SHANK2: variants seen among roughly 807,000 people sequenced by gnomAD.
The protein encoded by SHANK2 is SH3 and multiple ankyrin repeat domains 2.
Under a neutral mutation model 133.7 loss-of-function variants are expected in SHANK2, and 43 were observed. The ratio of observed to expected loss-of-function variants is 0.32; its 90% CI spans 0.25 to 0.41. SHANK2 has a LOEUF of 0.41. Among genes scored for constraint, SHANK2 ranks in the 10% least tolerant of loss-of-function variants. The pLI, the probability that SHANK2 is intolerant of heterozygous loss-of-function variation, is 1.00. For missense variants in SHANK2, 1,994 were observed against 2,235.8 expected, an observed-to-expected ratio of 0.89 and a Z score of 2.18; for synonymous variants, 1,017 against 952.8, an observed-to-expected ratio of 1.07 and a Z score of -1.24.
intron 17 of SHANK2, among the ~76,000 whole-genome samples, chr11:70,538,807 G>A (rs953684889): frequency 1.3e-5 from 2 of 152,212 alleles, no homozygotes; most frequent in African/African-American, 4.8e-5. Context: ...GGTGGGGCGG[G>A]AGGCACGCAC....
At chr11:71,239,876 C>T (rs1954867037) in intron 1 of SHANK2, among the ~76,000 whole-genome samples, 1 of 152,180 alleles carries the variant, frequency 6.6e-6, no homozygotes, top group Non-Finnish European at 1.5e-5. Flanking sequence ...ACCCAACCCA[C>T]CCCAGGCCAC....
rs566851392 is a variant in SHANK2 at position 70,535,499 on chromosome 11, C to T, written c.2062-32568G>A. 2.2e-4 allele frequency among the ~76,000 whole-genome samples: 34 copies of T among 152,184 alleles called. No homozygotes were observed. Among genetic ancestry groups the T allele is most frequent in the Non-Finnish European group, 4.3e-4 (29 of 68,036 alleles). On this transcript the variant is annotated intron_variant, in intron 17 of 25. Transcript: ENST00000601538. This position sits in a 1 kb window ranked among gnomAD's most constrained non-coding sequence, Gnocchi z 4.3. ...CCATCCATCCATCCATCCATCCGTCCGTCCGTCCATCTATTCATCCATTCA... is the reference window on the plus strand; with the variant it reads ...CCATCCATCCATCCATCCATCCGTCTGTCCGTCCATCTATTCATCCATTCA...
At chr11:71,239,516 T>C (rs1201304521) in intron 1 of SHANK2, among the ~76,000 whole-genome samples, 5 of 152,236 alleles carry the variant, frequency 3.3e-5, no homozygotes, top group East Asian at 1.9e-4. Flanking sequence ...CTGGAGTGCA[T>C]TGGCACCATC....
At chr11:70,817,495 T>C (rs895201) in intron 12 of SHANK2, among the ~76,000 whole-genome samples, 68,406 of 152,044 alleles carry the variant, frequency 0.45, 16,766 homozygotes, top group African/African-American at 0.65. Flanking sequence ...TTAGGGGGAC[T>C]GGCTGTCCTG....
chr11:70,534,833 T>C (rs2059523865), intron 17 of SHANK2, among the ~76,000 whole-genome samples: 1 of 152,186 alleles, frequency 6.6e-6, no homozygotes, highest in Non-Finnish European at 1.5e-5. Context: ...ACTCACGATC[T>C]GCATGACGGT....
At chr11:70,678,264 G>A (rs1342918043) in intron 15 of SHANK2, among the ~76,000 whole-genome samples, 2 of 151,776 alleles carry the variant, frequency 1.3e-5, no homozygotes, top group South Asian at 2.1e-4. Context: ...CTTCTGCCTC[G>A]GCCTCCTGGG....
At chr11:71,186,296 G>A (rs1202648180) in intron 2 of SHANK2, among the ~76,000 whole-genome samples, 2 of 152,132 alleles carry the variant, frequency 1.3e-5, no homozygotes, top group African/African-American at 4.8e-5. Flanking sequence ...TGGAACCACT[G>A]GCCAGTCATT....
intron 14 of SHANK2, among the ~76,000 whole-genome samples, chr11:70,743,389 T>C (rs1336599413): frequency 6.6e-6 from 1 of 152,172 alleles, no homozygotes; most frequent in East Asian, 1.9e-4. Flanking sequence ...TAGACGCCAG[T>C]ACCCCTCGCC....
At chr11:71,228,870 T>C (rs1231210003) in intron 1 of SHANK2, among the ~76,000 whole-genome samples, 1 of 152,130 alleles carries the variant, frequency 6.6e-6, no homozygotes, top group African/African-American at 2.4e-5. Flanking sequence ...CAAATAGAGT[T>C]CAGCAATATA....
chr11:70,808,588 G>A (rs1443688932), intron 12 of SHANK2, among the ~76,000 whole-genome samples: 2 of 131,454 alleles, frequency 1.5e-5, no homozygotes, highest in African/African-American at 5.4e-5. Context: ...AAAAAAAATT[G>A]GCCAGGCATG....
intron 2 of SHANK2, chr11:71,174,715 G>A (rs1168938137): frequency 1.3e-5 from 2 of 149,900 alleles, no homozygotes; most frequent in African/African-American, 4.9e-5. Context: ...TTAGCTGAGT[G>A]TAGTGGCACA....
At chr11:70,914,030 A>T (rs1371953796) in intron 10 of SHANK2, among the ~76,000 whole-genome samples, 4 of 152,138 alleles carry the variant, frequency 2.6e-5, no homozygotes, top group African/African-American at 9.7e-5. Flanking sequence ...TAGCATATTT[A>T]CACTGGGGCG....
chr11:70,684,758 GCCCCTGGCCCT>G (rs1945110149), intron 15 of SHANK2, among the ~76,000 whole-genome samples: 1 of 151,862 alleles, frequency 6.6e-6, no homozygotes, highest in Non-Finnish European at 1.5e-5. Context: ...CAGGGACAGT[GCCCCTGGCCCT>G]GCCAATCCAG....
intron 10 of SHANK2, among the ~76,000 whole-genome samples, chr11:70,949,897 T>A (rs1950807649): frequency 6.6e-6 from 1 of 152,172 alleles, no homozygotes; most frequent in Non-Finnish European, 1.5e-5. Flanking sequence ...CACCTGAGGC[T>A]GGGTCGATTA....
intron 15 of SHANK2, among the ~76,000 whole-genome samples, chr11:70,697,800 T>C (rs1237708696): frequency 6.6e-6 from 1 of 152,072 alleles, no homozygotes; most frequent in Non-Finnish European, 1.5e-5. Flanking sequence ...CTGCAGGAGA[T>C]GAGTGGGGTC....
intron 14 of SHANK2, among the ~76,000 whole-genome samples, chr11:70,755,113 C>T (rs1555038501): frequency 6.6e-6 from 1 of 151,598 alleles, no homozygotes; most frequent in Non-Finnish European, 1.5e-5. Flanking sequence ...GCTCTGTTGC[C>T]CAGGCTGGAG....
At chr11:70,808,980 A>G (rs1481880524) in intron 12 of SHANK2, among the ~76,000 whole-genome samples, 1 of 152,208 alleles carries the variant, frequency 6.6e-6, no homozygotes, top group Admixed American at 6.5e-5. Context: ...GATTTTGCAC[A>G]GAGCTATGTT....
chr11:70,616,835 C>G (rs967291826), intron 17 of SHANK2, among the ~76,000 whole-genome samples: 4 of 151,950 alleles, frequency 2.6e-5, no homozygotes, highest in Admixed American at 2.6e-4. Flanking sequence ...GCCTGCGGGG[C>G]GTCCCCCGAC....
intron 2 of SHANK2, among the ~76,000 whole-genome samples, chr11:71,218,204 A>T (rs1433590228): frequency 6.6e-6 from 1 of 151,958 alleles, no homozygotes; most frequent in Non-Finnish European, 1.5e-5. Flanking sequence ...AAAATAAAAA[A>T]GTTACAGTAA....
Sources: allele counts gnomAD v4.1 joint callset (sites outside exome capture counted in the v4.1 genomes callset), GRCh38; gene constraint gnomAD v4.1.1; non-coding constraint Gnocchi (gnomAD v3.1); transcripts MANE v1.5; gene names NCBI Gene and HGNC (gene_info 2026-07-23, HGNC 2026-07-21).